The following TMEM192 variants were observed in gnomAD, a reference collection of about 807,000 sequenced individuals.
TMEM192 encodes the protein transmembrane protein 192.
TMEM192 carries 20 observed loss-of-function variants against 26.7 expected under a neutral mutation model. The ratio of observed to expected loss-of-function variants is 0.75; its 90% CI spans 0.53 to 1.09. The LOEUF is 1.09. Ranked by LOEUF, TMEM192 falls within the 50% of genes least tolerant of loss-of-function variation. The probability of loss-of-function intolerance (pLI) is 0.00; values close to 1 mark genes in which losing one functional copy is unlikely to be tolerated. For missense variants in TMEM192, 304 were observed against 322.6 expected (o/e 0.94, Z 0.44); for synonymous variants, 124 against 121.0 (o/e 1.02, Z -0.16).
At chr4:165,103,919 C>G (rs959649393) in intron 1 of TMEM192, among the ~76,000 whole-genome samples, 1 of 152,150 alleles carries the variant, frequency 6.6e-6, no homozygotes, top group East Asian at 1.9e-4. Flanking sequence ...CTACCCACCT[C>G]GGCCTCCCAA....
At chr4:165,102,857 G>A in intron 2 of TMEM192, 93 bp downstream of exon 2, 1 of 1,024,472 alleles carries the variant, frequency 9.8e-7, no homozygotes, top group Non-Finnish European at 1.3e-6. Context: ...CATTTTAAAT[G>A]TTGATAGATA....
At chr4:165,093,160 G>C (rs1253887453) in intron 3 of TMEM192, among the ~76,000 whole-genome samples, 1 of 138,228 alleles carries the variant, frequency 7.2e-6, no homozygotes, top group Admixed American at 8.4e-5. Flanking sequence ...GCGGTGGCAC[G>C]ATCTCAGCTC....
At chr4:165,083,959 C>A (rs1194318022) in intron 5 of TMEM192, among the ~76,000 whole-genome samples, 1 of 148,622 alleles carries the variant, frequency 6.7e-6, no homozygotes, top group African/African-American at 2.5e-5. Flanking sequence ...GTAGCTGGGA[C>A]TACAGGTGTG....
chr4:165,110,376 T>C (rs1735266004), intron 1 of TMEM192, among the ~76,000 whole-genome samples: 2 of 152,254 alleles, frequency 1.3e-5, no homozygotes, highest in South Asian at 4.1e-4. Flanking sequence ...GGAGTGGTCA[T>C]GGAACAAAAA....
chr4:165,111,126 C>T (rs556692414), intron 1 of TMEM192, among the ~76,000 whole-genome samples: 2 of 152,298 alleles, frequency 1.3e-5, no homozygotes, highest in East Asian at 3.9e-4. Flanking sequence ...GAGTCTCGCT[C>T]TGTCGCTCTG....
rs149446492 is a variant in TMEM192 at position 165,091,092 on chromosome 4, C to T, written c.440-2490G>A. Among the ~76,000 whole-genome samples, 996 of 151,590 alleles carry T rather than the reference C, an allele frequency of 6.6e-3. 12 individuals carry two copies. The highest frequency in any genetic ancestry group is 0.023 in the African/African-American group (930 of 41,324). ...CATCCTGGCTAACACAGTGAAACCC[C>T]GTCCCTACTAAAAATACGAAAAAAA... is the stretch of plus-strand genomic sequence containing the variant. On this transcript the variant is annotated intron_variant, in intron 3 of 5. Coordinates refer to ENST00000306480, the MANE Select transcript of TMEM192 (RefSeq NM_001100389.2).
chr4:165,100,507 A>G, intron 3 of TMEM192, 121 bp downstream of exon 3: 1 of 1,205,902 alleles, frequency 8.3e-7, no homozygotes, highest in African/African-American at 1.5e-5. Context: ...TGGTCAGAAC[A>G]CACATCAACC....
chr4:165,112,658 G>C, intron 1 of TMEM192, 89 bp downstream of exon 1: 1 of 1,560,714 alleles, frequency 6.4e-7, no homozygotes, highest in Admixed American at 1.8e-5. Context: ...GCCAAGGGTG[G>C]CTTCCCTCTC....
At chr4:165,099,705 G>A (rs1382911504) in intron 3 of TMEM192, among the ~76,000 whole-genome samples, 2 of 152,164 alleles carry the variant, frequency 1.3e-5, no homozygotes, top group African/African-American at 2.4e-5. Flanking sequence ...AGCTTTGGGA[G>A]CCTGAGGCAG....
intron 3 of TMEM192, among the ~76,000 whole-genome samples, chr4:165,099,886 C>T (rs1049950152): frequency 6.6e-6 from 1 of 152,252 alleles, no homozygotes; most frequent in African/African-American, 2.4e-5. Flanking sequence ...GAATTCCAGG[C>T]TACAGTGAGC....
At chr4:165,110,442 G>A (rs1191803515) in intron 1 of TMEM192, among the ~76,000 whole-genome samples, 3 of 152,180 alleles carry the variant, frequency 2.0e-5, no homozygotes, top group Non-Finnish European at 4.4e-5. Context: ...TCATGAGGCC[G>A]GGCACGGTGG....
At chr4:165,094,664 AAAAAG>A (rs1422447758) in intron 3 of TMEM192, among the ~76,000 whole-genome samples, 17 of 151,908 alleles carry the variant, frequency 1.1e-4, no homozygotes, top group Admixed American at 5.9e-4. Flanking sequence ...CTCAAAAAAA[AAAAAG>A]AAAAGGAAAA....
In TMEM192 at chr4:165,078,211, T is replaced by A. The variant is rs1199904359; in HGVS notation, c.*1447A>T. On this transcript the variant is annotated 3_prime_UTR_variant, in exon 6 of 6. Transcript: ENST00000306480. The stretch of plus-strand genomic sequence containing the variant: ...TGCCTATATAGTTATATCGAACACA[T>A]CCCTATATGGTTACATATCAAATAT... The A allele has an allele frequency of 6.6e-6, 1 of 152,096 alleles. No individual in the cohort carries two copies. The highest frequency in any genetic ancestry group is 2.4e-5 in the African/African-American group (1 of 41,414). 9.4% of individuals were successfully genotyped at this position (152,096 alleles called of 1,614,324 possible).
rs558677251 is a variant in TMEM192, at chr4:165,094,622, A to G, written c.439+6006T>C. On this transcript the variant is annotated intron_variant, in intron 3 of 5. Coordinates refer to ENST00000306480, the MANE Select transcript of TMEM192 (RefSeq NM_001100389.2). The stretch of plus-strand genomic sequence containing the variant: ...CAGTGAGCTGAGATCGTGCTATTGC[A>G]CTCCAGCCTGGGTGACAGAGCGAGA... 3.3e-5 allele frequency among the ~76,000 whole-genome samples: 5 copies of G among 149,384 alleles called. No homozygotes were observed. The East Asian group carries it at 6.0e-4, about 18-fold the overall frequency.
intron 3 of TMEM192, among the ~76,000 whole-genome samples, chr4:165,090,101 C>G (rs926729722): frequency 1.0e-4 from 15 of 149,660 alleles, no homozygotes; most frequent in Non-Finnish European, 2.1e-4. Flanking sequence ...ATCCTAGCTA[C>G]TTGGGAGGCT....
intron 5 of TMEM192, 90 bp downstream of exon 5, chr4:165,085,495 CA>C: frequency 1.2e-6 from 1 of 842,342 alleles, no homozygotes; most frequent in Non-Finnish European, 1.9e-6. Flanking sequence ...TGTAAAAGTA[CA>C]AATACACAAT....
At chr4:165,109,317 T>C (rs982668605) in intron 1 of TMEM192, among the ~76,000 whole-genome samples, 9 of 152,194 alleles carry the variant, frequency 5.9e-5, no homozygotes, top group Non-Finnish European at 1.3e-4. Flanking sequence ...GAAAGACTGC[T>C]CAACTTCTTG....
intron 3 of TMEM192, among the ~76,000 whole-genome samples, chr4:165,095,811 G>A (rs1274547044): frequency 6.6e-6 from 1 of 151,862 alleles, no homozygotes; most frequent in Non-Finnish European, 1.5e-5. Flanking sequence ...GTCTCACTCT[G>A]TCACTCAGGC....
At position 165,103,064 on chromosome 4, in the gene TMEM192, G is replaced by A. The variant is rs750662184; in HGVS notation, c.60C>T (p.Asp20=). 1.3e-5 allele frequency: 21 copies of A among 1,612,828 alleles called. No homozygotes were observed. The Admixed American group carries it at 2.2e-4, about 17-fold the overall frequency. The change falls in exon 2 of 6, where the codon GAC becomes GAT. Residue 20 remains aspartate (D), a synonymous_variant. Coordinates refer to ENST00000306480, the MANE Select transcript of TMEM192 (RefSeq NM_001100389.2). ...GAAGCTGGGCATCCAGAAGTGGGTC[G>A]TCTTCAATACTCTGGGTGATATCCA... ...GSLDITQSIE[D]DPLLDAQLLP...
Sources: gnomAD v4.1 joint callset for allele counts (sites outside exome capture counted in the v4.1 genomes callset) on GRCh38, gnomAD v4.1.1 for gene constraint, MANE v1.5 for transcripts, NCBI Gene and HGNC (gene_info 2026-07-23, HGNC 2026-07-21) for gene names.